TMEM117: variants seen among roughly 807,000 people sequenced by gnomAD.
The protein encoded by TMEM117 is transmembrane protein 117.
Under a neutral mutation model 52.4 loss-of-function variants are expected in TMEM117, and 27 were observed. The observed-to-expected ratio is 0.51, with a 90% confidence interval of 0.38 to 0.71. The LOEUF is 0.71. Among genes scored for constraint, TMEM117 ranks in the 30% least tolerant of loss-of-function variants. TMEM117 has a pLI of 0.00. For missense variants in TMEM117, 556 were observed against 630.5 expected, an observed-to-expected ratio of 0.88 and a Z score of 1.26; for synonymous variants, 215 against 206.3, an observed-to-expected ratio of 1.04 and a Z score of -0.36.
In TMEM117 at chr12:43,865,481, G is replaced by A. The variant is rs112028125; in HGVS notation, c.277+20553G>A. Among the ~76,000 whole-genome samples, 370 of 152,198 alleles carry A rather than the reference G, an allele frequency of 2.4e-3. 1 individual carries two copies. Among genetic ancestry groups the A allele is most frequent in the Non-Finnish European group, 3.9e-3 (268 of 67,994 alleles). ...GGAGGCCAAGGTGGGTGGATCACTT[G>A]AGGTCAGGAGTTTGAGACCAGCCTG... is the stretch of plus-strand genomic sequence containing the variant. On this transcript the variant is annotated intron_variant, in intron 2 of 7. Coordinates refer to ENST00000266534, the MANE Select transcript of TMEM117 (RefSeq NM_032256.3).
chr12:44,360,537 A>C (rs1445596452), intron 6 of TMEM117, among the ~76,000 whole-genome samples: 1 of 151,782 alleles, frequency 6.6e-6, no homozygotes, highest in Non-Finnish European at 1.5e-5. Flanking sequence ...ACTGCACTCC[A>C]GCCTGGGTGA....
rs549991148 is a variant in TMEM117 at position 43,961,907 on chromosome 12, A to T, written c.410+17565A>T. Among the ~76,000 whole-genome samples the T allele has an allele frequency of 2.2e-3, 337 of 152,336 alleles. 2 individuals carry two copies. Among genetic ancestry groups the T allele is most frequent in the African/African-American group, 7.4e-3 (309 of 41,578 alleles). On this transcript the variant is annotated intron_variant, in intron 3 of 7. Transcript: ENST00000266534. Reference sequence around the variant, plus strand: ...GGCTTACCAAAAGTTATATAGTCTGATTTAATAAATTAATAAGAGATCGCC... The same window carrying T: ...GGCTTACCAAAAGTTATATAGTCTGTTTTAATAAATTAATAAGAGATCGCC...
chr12:44,131,226 C>T (rs927311015), intron 3 of TMEM117, among the ~76,000 whole-genome samples: 4 of 152,086 alleles, frequency 2.6e-5, no homozygotes, highest in Admixed American at 6.5e-5. Context: ...ATTTACTCTG[C>T]CTCATTGAGG....
chr12:44,303,989 GA>G (rs1383030882), intron 6 of TMEM117, among the ~76,000 whole-genome samples: 1 of 152,156 alleles, frequency 6.6e-6, no homozygotes, highest in East Asian at 1.9e-4. Flanking sequence ...CCCCCTATAG[GA>G]GCATGAAAGT....
intron 2 of TMEM117, among the ~76,000 whole-genome samples, chr12:43,889,568 C>T (rs1408178187): frequency 6.6e-6 from 1 of 152,234 alleles, no homozygotes; most frequent in African/African-American, 2.4e-5. Flanking sequence ...GGACCTGTAC[C>T]AGTCTGCGAC....
At chr12:44,322,979 C>T (rs910091359) in intron 6 of TMEM117, among the ~76,000 whole-genome samples, 2 of 152,000 alleles carry the variant, frequency 1.3e-5, no homozygotes, top group Admixed American at 1.3e-4. Flanking sequence ...TCCAGGAGGG[C>T]CCAATATAAT....
intron 4 of TMEM117, among the ~76,000 whole-genome samples, chr12:44,165,231 C>G (rs1413318198): frequency 1.3e-5 from 2 of 151,976 alleles, no homozygotes; most frequent in South Asian, 2.1e-4. Flanking sequence ...ACACAAATAT[C>G]AAAGAGACAG....
In TMEM117 at chr12:43,962,076, G is replaced by A. The variant is rs566334033; in HGVS notation, c.410+17734G>A. 1.6e-4 allele frequency among the ~76,000 whole-genome samples: 25 copies of A among 152,244 alleles called. No individual in the cohort carries two copies. The South Asian group carries it at 5.2e-3, about 32-fold the overall frequency. ...TAATATTTAAATATTTCCCTCCTAA[G>A]GTAGCATCAGTGACAGTACAACTGT... On this transcript the variant is annotated intron_variant, in intron 3 of 7. Coordinates refer to ENST00000266534, the MANE Select transcript of TMEM117 (RefSeq NM_032256.3).
chr12:44,353,251 G>C (rs961517107), intron 6 of TMEM117, among the ~76,000 whole-genome samples: 1 of 151,912 alleles, frequency 6.6e-6, no homozygotes, highest in Admixed American at 6.6e-5. Flanking sequence ...TAGGTTGCCT[G>C]TTCACTCTGA....
At chr12:44,328,262 G>A (rs145978116) in intron 6 of TMEM117, among the ~76,000 whole-genome samples, 158 of 152,282 alleles carry the variant, frequency 1.0e-3, no homozygotes, top group South Asian at 5.6e-3. Flanking sequence ...CACAGCCATC[G>A]TACATATCTT....
At chr12:44,095,614 C>A (rs1252713455) in intron 3 of TMEM117, among the ~76,000 whole-genome samples, 1 of 151,928 alleles carries the variant, frequency 6.6e-6, no homozygotes, top group Non-Finnish European at 1.5e-5. Context: ...GAGAAAAAGC[C>A]TGGAAGATGA....
chr12:43,933,261 A>T (rs527714471), intron 2 of TMEM117, among the ~76,000 whole-genome samples: 2 of 150,448 alleles, frequency 1.3e-5, no homozygotes, highest in African/African-American at 4.9e-5. Flanking sequence ...GTGCAGTGGC[A>T]CGATCTCGGC....
chr12:44,042,886 A>G (rs1946824999), intron 3 of TMEM117, among the ~76,000 whole-genome samples: 1 of 152,078 alleles, frequency 6.6e-6, no homozygotes. Flanking sequence ...GGAACAGAAT[A>G]TTAAGGATGG....
chr12:43,977,872 C>T (rs1945697757), intron 3 of TMEM117, among the ~76,000 whole-genome samples: 1 of 152,178 alleles, frequency 6.6e-6, no homozygotes, highest in Admixed American at 6.5e-5. Context: ...ATTGGTTGGA[C>T]TTTCCAGGAA....
At chr12:44,102,892 A>C (rs1005270123) in intron 3 of TMEM117, among the ~76,000 whole-genome samples, 1 of 151,844 alleles carries the variant, frequency 6.6e-6, no homozygotes, top group African/African-American at 2.4e-5. Flanking sequence ...TTCTCACGAG[A>C]TCTGATGGTT....
At chr12:44,309,789 A>C (rs1166525810) in intron 6 of TMEM117, among the ~76,000 whole-genome samples, 3 of 152,126 alleles carry the variant, frequency 2.0e-5, no homozygotes, top group Non-Finnish European at 4.4e-5. Context: ...AAAAAAAAAA[A>C]AAACAGATCT....
intron 5 of TMEM117, among the ~76,000 whole-genome samples, chr12:44,281,910 G>A (rs1339931627): frequency 6.6e-6 from 1 of 152,098 alleles, no homozygotes; most frequent in Non-Finnish European, 1.5e-5. Flanking sequence ...GTGTATTTCT[G>A]TTATGATTTG....
intron 3 of TMEM117, among the ~76,000 whole-genome samples, chr12:43,963,862 C>T (rs1447194368): frequency 6.6e-6 from 1 of 152,152 alleles, no homozygotes; most frequent in Admixed American, 6.5e-5. Flanking sequence ...CTTCCTCCAG[C>T]CTCCCAAATT....
intron 3 of TMEM117, among the ~76,000 whole-genome samples, chr12:44,062,628 C>T (rs1947157438): frequency 6.6e-6 from 1 of 152,158 alleles, no homozygotes; most frequent in African/African-American, 2.4e-5. Context: ...TTAAAGTTCC[C>T]ACTGAGGAGA....
Sources: allele counts gnomAD v4.1 joint callset (sites outside exome capture counted in the v4.1 genomes callset), GRCh38; gene constraint gnomAD v4.1.1; transcripts MANE v1.5; gene names NCBI Gene and HGNC (gene_info 2026-07-23, HGNC 2026-07-21).